COL25A1: variants seen among roughly 807,000 people sequenced by gnomAD.
COL25A1 encodes collagen type XXV alpha 1 chain.
In COL25A1, 103 loss-of-function variants were observed where a neutral mutation model predicts 128.4. The ratio of observed to expected loss-of-function variants is 0.80; its 90% CI spans 0.68 to 0.94. The LOEUF is 0.94. Among genes scored for constraint, COL25A1 ranks in the 40% least tolerant of loss-of-function variants. The pLI is 0.00. For missense variants in COL25A1, 745 were observed against 840.0 expected (o/e 0.89, Z 1.40); for synonymous variants, 279 against 277.2 (o/e 1.01, Z -0.06).
intron 3 of COL25A1, among the ~76,000 whole-genome samples, chr4:109,242,719 A>G (rs1560919776): frequency 6.6e-6 from 1 of 152,042 alleles, no homozygotes; most frequent in African/African-American, 2.4e-5. Context: ...TAATTCTTTT[A>G]TTTCCAGAGT....
intron 16 of COL25A1, among the ~76,000 whole-genome samples, chr4:108,894,358 A>G (rs1741891043): frequency 6.6e-6 from 1 of 152,062 alleles, no homozygotes; most frequent in African/African-American, 2.4e-5. Flanking sequence ...CGTAGTATAA[A>G]TTTTTTTCAC....
At chr4:108,992,132 T>C (rs1754289193) in intron 6 of COL25A1, among the ~76,000 whole-genome samples, 1 of 152,162 alleles carries the variant, frequency 6.6e-6, no homozygotes, top group South Asian at 2.1e-4. Flanking sequence ...TCTCTCACAT[T>C]TTTTTCTCAC....
intron 3 of COL25A1, among the ~76,000 whole-genome samples, chr4:109,062,019 A>C (rs889861238): frequency 2.0e-5 from 3 of 152,212 alleles, no homozygotes; most frequent in African/African-American, 7.2e-5. Flanking sequence ...TAAAATTATC[A>C]AAAGCCTTGA....
chr4:109,184,397 A>G (rs1465637185), intron 3 of COL25A1, among the ~76,000 whole-genome samples: 1 of 152,166 alleles, frequency 6.6e-6, no homozygotes, highest in Non-Finnish European at 1.5e-5. Flanking sequence ...CTGAATCTGT[A>G]ATGAAATGCT....
At chr4:108,852,960 T>C (rs765207004) in intron 24 of COL25A1, 35 bp from the exon 25 acceptor site, 4 of 1,595,342 alleles carry the variant, frequency 2.5e-6, no homozygotes, top group Admixed American at 3.4e-5. Context: ...GACAGAGTTA[T>C]CTATTTTGTG....
intron 3 of COL25A1, among the ~76,000 whole-genome samples, chr4:109,201,437 C>T (rs1776546730): frequency 6.6e-6 from 1 of 152,144 alleles, no homozygotes; most frequent in Non-Finnish European, 1.5e-5. Flanking sequence ...CAAAATCCAA[C>T]ACCTATTCAT....
At chr4:109,134,440 A>G (rs747013145) in intron 3 of COL25A1, among the ~76,000 whole-genome samples, 2 of 152,158 alleles carry the variant, frequency 1.3e-5, no homozygotes, top group Non-Finnish European at 2.9e-5. Context: ...TCTGGAGTCT[A>G]TTAGAACCAT....
intron 3 of COL25A1, among the ~76,000 whole-genome samples, chr4:109,060,682 A>G (rs1271611599): frequency 7.2e-6 from 1 of 138,108 alleles, no homozygotes; most frequent in African/African-American, 3.2e-5. Context: ...CTCAGACTCA[A>G]TTTTCAAAAA....
intron 2 of COL25A1, 35 bp from the exon 3 acceptor site, chr4:109,300,687 T>C: frequency 1.4e-6 from 2 of 1,451,964 alleles, no homozygotes; most frequent in Non-Finnish European, 1.9e-6. Context: ...TAATCATCAG[T>C]AGCACTGTAG....
chr4:108,945,402 G>A (rs1346334809), intron 8 of COL25A1, among the ~76,000 whole-genome samples: 4 of 152,138 alleles, frequency 2.6e-5, no homozygotes, highest in Non-Finnish European at 5.9e-5. Flanking sequence ...ACACCTTATG[G>A]CTTTGTGTGG....
intron 5 of COL25A1, among the ~76,000 whole-genome samples, chr4:109,029,562 C>A (rs763903890): frequency 1.3e-5 from 2 of 152,100 alleles, no homozygotes; most frequent in Non-Finnish European, 2.9e-5. Context: ...TCATCTCTTA[C>A]TGTAGCTAAT....
intron 5 of COL25A1, among the ~76,000 whole-genome samples, chr4:109,041,199 A>G (rs1253357937): frequency 2.6e-5 from 4 of 152,108 alleles, no homozygotes; most frequent in Non-Finnish European, 5.9e-5. Context: ...AAGGAAAGAG[A>G]AGGCCGTAAC....
At position 108,809,154 on chromosome 4, in the gene COL25A1, A is replaced by T. The variant is rs1730602981; in HGVS notation, c.*4773T>A. ...GTATGAGACTGGCCCACAAACATTTAAAAAAATATGCAGTGTAATGCTTGC... is the reference window on the plus strand; with the variant it reads ...GTATGAGACTGGCCCACAAACATTTTAAAAAATATGCAGTGTAATGCTTGC... On this transcript the variant is annotated 3_prime_UTR_variant, in exon 38 of 38. Transcript: ENST00000399132. The T allele has an allele frequency of 6.6e-6, 1 of 150,952 alleles. No homozygotes were observed. Among genetic ancestry groups the T allele is most frequent in the African/African-American group, 2.4e-5 (1 of 41,208 alleles). The allele number at this position is 150,952 out of a possible 1,614,324, so 9.4% of individuals were successfully genotyped here.
At chr4:108,996,170 T>C (rs1754745977) in intron 6 of COL25A1, among the ~76,000 whole-genome samples, 5 of 151,440 alleles carry the variant, frequency 3.3e-5, no homozygotes, top group Admixed American at 2.0e-4. Context: ...AGACACAGAC[T>C]GGCAAATTGG....
At chr4:109,105,717 C>A (rs1766366105) in intron 3 of COL25A1, among the ~76,000 whole-genome samples, 1 of 152,088 alleles carries the variant, frequency 6.6e-6, no homozygotes, top group Admixed American at 6.6e-5. Flanking sequence ...TGTAAAATGA[C>A]CCTAGGAAGA....
intron 5 of COL25A1, among the ~76,000 whole-genome samples, chr4:109,034,429 T>C (rs982178535): frequency 1.3e-5 from 2 of 152,204 alleles, no homozygotes; most frequent in Non-Finnish European, 2.9e-5. Flanking sequence ...CCCTTAGAAA[T>C]GAATTAATTT....
intron 30 of COL25A1, among the ~76,000 whole-genome samples, chr4:108,842,560 A>T (rs1052817879): frequency 6.6e-6 from 1 of 152,186 alleles, no homozygotes; most frequent in African/African-American, 2.4e-5. Context: ...TGCAGGAAAA[A>T]GTTTTTATTA....
chr4:108,963,409 C>A (rs1202387345), intron 8 of COL25A1, among the ~76,000 whole-genome samples: 2 of 152,102 alleles, frequency 1.3e-5, no homozygotes, highest in African/African-American at 4.8e-5. Context: ...GTATTACCAG[C>A]TAAAGTATAA....
intron 13 of COL25A1, among the ~76,000 whole-genome samples, chr4:108,904,290 TG>T (rs749191800): frequency 6.6e-6 from 1 of 151,948 alleles, no homozygotes; most frequent in East Asian, 1.9e-4. Context: ...TATTTTTGAG[TG>T]GGGAAAATAT....
Sources: gnomAD v4.1 joint callset for allele counts (sites outside exome capture counted in the v4.1 genomes callset) on GRCh38, gnomAD v4.1.1 for gene constraint, MANE v1.5 for transcripts, NCBI Gene and HGNC (gene_info 2026-07-23, HGNC 2026-07-21) for gene names.